Variants in GTF2F2 observed in about 807,000 individuals in gnomAD.
GTF2F2 encodes the protein ATP-dependent helicase GTF2F2.
Under a neutral mutation model 42.2 loss-of-function variants are expected in GTF2F2, and 23 were observed. The ratio of observed to expected loss-of-function variants is 0.55; its 90% CI spans 0.39 to 0.77. The LOEUF is 0.77. Among genes scored for constraint, GTF2F2 ranks in the 30% least tolerant of loss-of-function variants. GTF2F2 has a pLI of 0.00. For missense variants in GTF2F2, 261 were observed against 287.2 expected (o/e 0.91, Z 0.66); for synonymous variants, 105 against 100.8 (o/e 1.04, Z -0.25).
At chr13:45,145,779 G>C (rs896781767) in intron 2 of GTF2F2, among the ~76,000 whole-genome samples, 7 of 152,052 alleles carry the variant, frequency 4.6e-5, no homozygotes, top group Non-Finnish European at 8.8e-5. Flanking sequence ...TATTCACCCT[G>C]CTTGGGCTGT....
chr13:45,129,416 C>T (rs1262737870), intron 1 of GTF2F2, among the ~76,000 whole-genome samples: 1 of 152,070 alleles, frequency 6.6e-6, no homozygotes, highest in East Asian at 1.9e-4. Context: ...TGCAATGTTG[C>T]CCAGGCTGGT....
chr13:45,142,889 T>G (rs760864704), intron 2 of GTF2F2, among the ~76,000 whole-genome samples: 2 of 152,218 alleles, frequency 1.3e-5, no homozygotes, highest in Non-Finnish European at 1.5e-5. Flanking sequence ...GAGCTTAATA[T>G]GAGTCATCAA....
At chr13:45,204,477 C>G (rs932398962) in intron 4 of GTF2F2, among the ~76,000 whole-genome samples, 4 of 152,130 alleles carry the variant, frequency 2.6e-5, no homozygotes, top group African/African-American at 9.7e-5. Context: ...GTAAAGGTTT[C>G]TATATTAATG....
intron 4 of GTF2F2, among the ~76,000 whole-genome samples, chr13:45,201,601 A>G (rs1299848528): frequency 1.3e-5 from 2 of 152,214 alleles, no homozygotes; most frequent in Non-Finnish European, 2.9e-5. Context: ...GATGTGCTTT[A>G]TATACATAAC....
At chr13:45,186,789 G>A (rs555919027) in intron 4 of GTF2F2, among the ~76,000 whole-genome samples, 4 of 152,054 alleles carry the variant, frequency 2.6e-5, no homozygotes, top group East Asian at 3.9e-4. Context: ...CTGTTTTAAC[G>A]AGGCAAAAAT....
At chr13:45,216,974 A>G (rs1020086791) in intron 5 of GTF2F2, among the ~76,000 whole-genome samples, 2 of 152,014 alleles carry the variant, frequency 1.3e-5, no homozygotes, top group Non-Finnish European at 2.9e-5. Context: ...TCATGTCCCT[A>G]AATGTCTGCA....
intron 5 of GTF2F2, among the ~76,000 whole-genome samples, chr13:45,238,000 C>G (rs991376716): frequency 1.3e-5 from 2 of 152,178 alleles, no homozygotes; most frequent in Admixed American, 6.5e-5. Context: ...GTAGCCCAGG[C>G]TGGAGTGCAG....
intron 4 of GTF2F2, among the ~76,000 whole-genome samples, chr13:45,196,158 T>G (rs1872880647): frequency 6.6e-6 from 1 of 152,220 alleles, no homozygotes; most frequent in Admixed American, 6.5e-5. Context: ...TATGTATTAT[T>G]GAGATCAAAA....
chr13:45,204,190 T>C (rs1202881080), intron 4 of GTF2F2, among the ~76,000 whole-genome samples: 1 of 152,210 alleles, frequency 6.6e-6, no homozygotes, highest in Non-Finnish European at 1.5e-5. Context: ...ATATTTATGG[T>C]ATATAACGTG....
At chr13:45,204,731 G>A (rs1045216142) in intron 4 of GTF2F2, among the ~76,000 whole-genome samples, 1 of 152,098 alleles carries the variant, frequency 6.6e-6, no homozygotes, top group Non-Finnish European at 1.5e-5. Flanking sequence ...AAGAAGAGAA[G>A]GGGAGAAAGG....
rs145683105 is a variant in GTF2F2 at position 45,122,647 on chromosome 13, A to T, written c.66+1926A>T. Among the ~76,000 whole-genome samples the T allele has an allele frequency of 4.2e-3, 633 of 152,180 alleles. 9 individuals carry two copies. Among genetic ancestry groups the T allele is most frequent in the African/African-American group, 0.014 (584 of 41,512 alleles). On this transcript the variant is annotated intron_variant, in intron 1 of 7. Coordinates refer to ENST00000340473, the MANE Select transcript of GTF2F2 (RefSeq NM_004128.3). ...AAAATTCCTTCTCAAAAAAATAAAT[A>T]AATTAAAAAAAAGTGTAATTTGTTG...
chr13:45,264,590 T>C (rs989475995), intron 6 of GTF2F2, among the ~76,000 whole-genome samples: 14 of 152,292 alleles, frequency 9.2e-5, no homozygotes, highest in Admixed American at 8.5e-4. Flanking sequence ...TTGAAAAATC[T>C]GGGTAGAATT....
chr13:45,152,344 T>C (rs938492004), intron 4 of GTF2F2, among the ~76,000 whole-genome samples: 4 of 152,222 alleles, frequency 2.6e-5, no homozygotes, highest in Non-Finnish European at 5.9e-5. Flanking sequence ...TGGCCATTAC[T>C]TGAGAAGGGT....
At chr13:45,254,909 G>A (rs747894674) in intron 6 of GTF2F2, among the ~76,000 whole-genome samples, 15 of 152,120 alleles carry the variant, frequency 9.9e-5, no homozygotes, top group Non-Finnish European at 2.1e-4. Context: ...GCTCACGCCT[G>A]TAATCCCAGC....
intron 1 of GTF2F2, among the ~76,000 whole-genome samples, chr13:45,126,957 G>A (rs535736146): frequency 2.0e-5 from 3 of 152,162 alleles, no homozygotes; most frequent in African/African-American, 7.2e-5. Context: ...CTGATTTTCA[G>A]TAATGAGTGA....
intron 5 of GTF2F2, among the ~76,000 whole-genome samples, chr13:45,209,724 A>G (rs1873557343): frequency 6.6e-6 from 1 of 152,184 alleles, no homozygotes; most frequent in South Asian, 2.1e-4. Flanking sequence ...GCCGGGTTGA[A>G]TGTCTGATAG....
At chr13:45,146,030 C>T (rs1870176961) in intron 2 of GTF2F2, among the ~76,000 whole-genome samples, 1 of 152,158 alleles carries the variant, frequency 6.6e-6, no homozygotes, top group African/African-American at 2.4e-5. Flanking sequence ...CCTTACCTGA[C>T]TGGGCTCTGA....
At chr13:45,275,500 TG>T (rs766221786) in intron 7 of GTF2F2, among the ~76,000 whole-genome samples, 61 of 131,230 alleles carry the variant, frequency 4.6e-4, no homozygotes, top group Non-Finnish European at 6.1e-4. Context: ...CCCCTTCCTG[TG>T]TCCAAGGGTT....
At chr13:45,178,146 C>T (rs1871975011) in intron 4 of GTF2F2, among the ~76,000 whole-genome samples, 1 of 151,884 alleles carries the variant, frequency 6.6e-6, no homozygotes, top group Non-Finnish European at 1.5e-5. Context: ...TCCTGAGATT[C>T]TGATGAAACA....
Sources: allele counts gnomAD v4.1 joint callset (sites outside exome capture counted in the v4.1 genomes callset), GRCh38; gene constraint gnomAD v4.1.1; transcripts MANE v1.5; gene names NCBI Gene and HGNC (gene_info 2026-07-23, HGNC 2026-07-21).